Variants in CTNNA3 observed in about 807,000 individuals in gnomAD.
CTNNA3 encodes catenin alpha 3.
A neutral mutation model predicts 95.7 loss-of-function variants in CTNNA3; 76 were observed. The observed-to-expected ratio is 0.79, with a 90% CI of 0.66 to 0.96. The LOEUF (loss-of-function observed/expected upper bound fraction) is 0.96, where lower values mean the gene tolerates loss of function less well. CTNNA3 is among the 40% of genes least tolerant of loss of function. CTNNA3 has a pLI of 0.00. For missense variants in CTNNA3, 1,191 were observed against 1,089.8 expected (o/e 1.09, Z -1.31); for synonymous variants, 431 against 374.4 (o/e 1.15, Z -1.74).
Position 67,010,488 on chromosome 10 carries a change from C to T in CTNNA3, c.1047+169829G>A, listed in dbSNP as rs181080275. The stretch of plus-strand genomic sequence containing the variant: ...TCCAATTATTTTTGGCTTATCACCT[C>T]ATAGTCCCCAGATGGCTGCTATCCT... On this transcript the variant is annotated intron_variant, in intron 7 of 17. Coordinates refer to ENST00000433211, the MANE Select transcript of CTNNA3 (RefSeq NM_013266.4). 2.6e-4 allele frequency among the ~76,000 whole-genome samples: 40 copies of T among 152,330 alleles called. No individual in the cohort carries two copies. In the East Asian group the frequency reaches 6.4e-3, roughly 24 times the overall value.
chr10:67,228,297 G>A (rs1242674009), intron 5 of CTNNA3, among the ~76,000 whole-genome samples: 8 of 152,238 alleles, frequency 5.3e-5, no homozygotes, highest in African/African-American at 1.7e-4. Context: ...AAAGACAAGC[G>A]AAAATCCAAA....
chr10:67,352,527 A>T (rs1842672894), intron 5 of CTNNA3, among the ~76,000 whole-genome samples: 1 of 151,890 alleles, frequency 6.6e-6, no homozygotes, highest in South Asian at 2.1e-4. Flanking sequence ...ATGCAAAAGA[A>T]TAAAAAAAAA....
chr10:67,575,824 T>A (rs1047202255), intron 3 of CTNNA3, among the ~76,000 whole-genome samples: 10 of 152,172 alleles, frequency 6.6e-5, no homozygotes, highest in Non-Finnish European at 1.0e-4. Context: ...TTAACAATCT[T>A]GTTATGGTTG....
chr10:67,629,839 A>C lies in CTNNA3; in HGVS notation c.99+17576T>G, dbSNP rs561109749. On this transcript the variant is annotated intron_variant, in intron 2 of 17. Transcript: ENST00000433211. ...TGAACAGCAGGAGTTTGTGAATCCA[A>C]ACCTGAAAATGCCACATTCACTATG... Among the ~76,000 whole-genome samples the C allele has an allele frequency of 2.6e-5, 4 of 152,266 alleles. No homozygotes were observed. The East Asian group carries it at 7.7e-4, about 29-fold the overall frequency.
intron 13 of CTNNA3, among the ~76,000 whole-genome samples, chr10:66,112,897 C>T (rs2082172703): frequency 1.3e-5 from 2 of 152,076 alleles, no homozygotes; most frequent in African/African-American, 2.4e-5. Context: ...ATTGTTTTCA[C>T]ATCTTGGCTA....
intron 5 of CTNNA3, among the ~76,000 whole-genome samples, chr10:67,411,706 ACAG>A (rs1364747208): frequency 2.6e-5 from 4 of 152,126 alleles, no homozygotes; most frequent in African/African-American, 9.7e-5. Flanking sequence ...GGCAAATATA[ACAG>A]AGTTTTCCTT....
At chr10:66,730,025 G>T (rs1848908005) in intron 9 of CTNNA3, among the ~76,000 whole-genome samples, 1 of 150,108 alleles carries the variant, frequency 6.7e-6, no homozygotes, top group Non-Finnish European at 1.5e-5. Context: ...TGAATGGCGT[G>T]AACCCAGGAG....
intron 5 of CTNNA3, among the ~76,000 whole-genome samples, chr10:67,463,829 G>A (rs1325431276): frequency 1.3e-5 from 2 of 152,166 alleles, no homozygotes; most frequent in African/African-American, 4.8e-5. Context: ...GAGCATGGCT[G>A]CATTCTAATA....
At chr10:66,130,686 T>C (rs1377075990) in intron 13 of CTNNA3, among the ~76,000 whole-genome samples, 2 of 150,676 alleles carry the variant, frequency 1.3e-5, no homozygotes, top group African/African-American at 4.9e-5. Context: ...CTACTAAAAA[T>C]ACAAAAAACG....
At chr10:66,700,735 G>A (rs771590578) in intron 9 of CTNNA3, among the ~76,000 whole-genome samples, 1 of 152,044 alleles carries the variant, frequency 6.6e-6, no homozygotes, top group African/African-American at 2.4e-5. Flanking sequence ...TGTTCATTTT[G>A]TAAGATGTGC....
At chr10:67,644,554 A>T (rs1839645208) in intron 2 of CTNNA3, among the ~76,000 whole-genome samples, 2 of 152,060 alleles carry the variant, frequency 1.3e-5, no homozygotes, top group African/African-American at 4.8e-5. Context: ...TGGGTTATAC[A>T]TGATCAAAGT....
intron 5 of CTNNA3, among the ~76,000 whole-genome samples, chr10:67,404,807 G>A (rs957757864): frequency 6.6e-6 from 1 of 152,122 alleles, no homozygotes; most frequent in Non-Finnish European, 1.5e-5. Context: ...AAAGGCCACT[G>A]GAAAGAAAGG....
intron 13 of CTNNA3, among the ~76,000 whole-genome samples, chr10:66,259,804 TG>T (rs1205702997): frequency 6.6e-6 from 1 of 152,178 alleles, no homozygotes; most frequent in Non-Finnish European, 1.5e-5. Flanking sequence ...ATCAGAATTG[TG>T]GGAAAATAGA....
intron 12 of CTNNA3, among the ~76,000 whole-genome samples, chr10:66,305,817 G>T (rs544956727): frequency 3.3e-5 from 5 of 152,208 alleles, no homozygotes; most frequent in African/African-American, 1.2e-4. Flanking sequence ...TACAATGGTG[G>T]ACACATAGTT....
At chr10:67,494,578 T>A (rs971475565) in intron 5 of CTNNA3, among the ~76,000 whole-genome samples, 2 of 152,198 alleles carry the variant, frequency 1.3e-5, no homozygotes, top group African/African-American at 4.8e-5. Flanking sequence ...ATGTGTATTG[T>A]GGAGGCTATT....
chr10:66,996,500 T>C (rs573635807), intron 7 of CTNNA3, among the ~76,000 whole-genome samples: 59 of 151,932 alleles, frequency 3.9e-4, no homozygotes, highest in African/African-American at 1.4e-3. Context: ...CACAAGAAAC[T>C]AGCCGGGCGT....
intron 1 of CTNNA3, among the ~76,000 whole-genome samples, chr10:67,710,355 C>A (rs184973082): frequency 1.1e-4 from 16 of 152,172 alleles, no homozygotes; most frequent in Admixed American, 7.2e-4. Context: ...CAGGACCAGA[C>A]CATATCCTAT....
intron 5 of CTNNA3, among the ~76,000 whole-genome samples, chr10:67,330,711 A>T (rs1388485578): frequency 6.6e-6 from 1 of 151,790 alleles, no homozygotes; most frequent in East Asian, 1.9e-4. Context: ...TCTAAAAAAA[A>T]AAGCTCCTTA....
intron 7 of CTNNA3, among the ~76,000 whole-genome samples, chr10:67,045,125 A>T (rs1363248745): frequency 1.3e-5 from 2 of 152,226 alleles, no homozygotes; most frequent in Non-Finnish European, 2.9e-5. Context: ...TACCTAGTTA[A>T]TGCTTACATA....
Sources: gnomAD v4.1 joint callset for allele counts (sites outside exome capture counted in the v4.1 genomes callset) on GRCh38, gnomAD v4.1.1 for gene constraint, MANE v1.5 for transcripts, NCBI Gene and HGNC (gene_info 2026-07-23, HGNC 2026-07-21) for gene names.